The following VCAN variants were observed in gnomAD, a reference collection of about 807,000 sequenced individuals.
The protein encoded by VCAN is versican.
A neutral mutation model predicts 245.5 loss-of-function variants in VCAN; 44 were observed. The observed-to-expected ratio is 0.18, with a 90% CI of 0.14 to 0.23. VCAN has a LOEUF of 0.23. VCAN is among the 10% of genes least tolerant of loss of function. The pLI, the probability that VCAN is intolerant of heterozygous loss-of-function variation, is 1.00. For synonymous variants in VCAN, 1,413 were observed against 1,437.0 expected, an observed-to-expected ratio of 0.98 and a Z score of 0.38; for missense variants, 3,793 against 4,057.9, an observed-to-expected ratio of 0.93 and a Z score of 1.77.
At position 83,509,206 on chromosome 5, in the gene VCAN, G is replaced by A. The variant is rs527777361; in HGVS notation, c.749-2897G>A. On this transcript the variant is annotated intron_variant, in intron 5 of 14. Coordinates refer to ENST00000265077, the MANE Select transcript of VCAN (RefSeq NM_004385.5). ...GGTATCAAACAAATAAATGAATATC[G>A]TATACTTCAAACAAGTGAGTTAAAT... 1.8e-4 allele frequency among the ~76,000 whole-genome samples: 28 copies of A among 152,254 alleles called. No individual in the cohort carries two copies. The Middle Eastern group carries it at 0.01, about 55-fold the overall frequency.
At chr5:83,515,566 A>G (rs186066542) in intron 6 of VCAN, among the ~76,000 whole-genome samples, 1 of 150,792 alleles carries the variant, frequency 6.6e-6, no homozygotes. Flanking sequence ...ATCTTCTCCA[A>G]CTGAAACAGT....
intron 6 of VCAN, among the ~76,000 whole-genome samples, chr5:83,518,725 A>C (rs1207681724): frequency 2.0e-5 from 3 of 152,240 alleles, no homozygotes; most frequent in African/African-American, 7.2e-5. Context: ...GATCAAGTGA[A>C]GAGTGGTATT....
chr5:83,521,458 C>A lies in VCAN; in HGVS notation c.3152C>A (p.Ser1051Tyr). ...TAEKPVPALSSTAWTPKEAVT... is the reference protein window; with the variant it reads ...TAEKPVPALSYTAWTPKEAVT... ...GAGAAACCAGTTCCTGCTCTCAGTT[C>A]TACAGCTTGGACTCCCAAGGAGGCA... Residue 1051 changes from serine (S) to tyrosine (Y), a missense_variant, in exon 7 of 15, where the codon TCT becomes TAT. Physicochemically the swap from Ser to Tyr is moderately radical, Grantham distance 144. Transcript: ENST00000265077. The A allele has an allele frequency of 6.2e-7, 1 of 1,614,138 alleles. No homozygotes were observed. Among genetic ancestry groups the A allele is most frequent in the East Asian group, 2.2e-5 (1 of 44,864 alleles).
chr5:83,572,938 G>C (rs933383483), intron 13 of VCAN, among the ~76,000 whole-genome samples: 1 of 150,788 alleles, frequency 6.6e-6, no homozygotes, highest in Non-Finnish European at 1.5e-5. Flanking sequence ...GTCTCGCTCT[G>C]TCACCAGGCT....
intron 12 of VCAN, among the ~76,000 whole-genome samples, chr5:83,565,397 G>C (rs1436042254): frequency 7.5e-5 from 3 of 39,760 alleles, no homozygotes; most frequent in Non-Finnish European, 1.2e-4. Context: ...AAGGGTGTGT[G>C]TGTGTGTGTG....
chr5:83,491,849 A>G (rs1744992170), intron 3 of VCAN, among the ~76,000 whole-genome samples: 2 of 152,206 alleles, frequency 1.3e-5, no homozygotes, highest in African/African-American at 4.8e-5. Flanking sequence ...AAGATTTTTA[A>G]TTACCAAGAA....
intron 1 of VCAN, among the ~76,000 whole-genome samples, chr5:83,474,564 G>C (rs1254296695): frequency 1.3e-5 from 2 of 152,184 alleles, no homozygotes; most frequent in East Asian, 3.9e-4. Context: ...GGCGCTCCCC[G>C]CAGCGGCTGG....
rs755651307 is a variant in VCAN, at chr5:83,541,140, G to A, written c.8137G>A (p.Ala2713Thr). The change falls in exon 8 of 15, where the codon GCA (alanine) becomes ACA (threonine). Residue 2713 changes from alanine to threonine, a missense_variant. Ala to Thr is a moderately conservative substitution (Grantham distance 58). Around this residue, in one of 5 missense-constraint regions of VCAN, gnomAD observed 3,182 missense variants for 3,250.3 expected, o/e 0.98. Coordinates refer to ENST00000265077, the MANE Select transcript of VCAN (RefSeq NM_004385.5). Reference protein sequence around the residue: ...IPEIEGIKAEAKALDDMFESS... With the variant: ...IPEIEGIKAETKALDDMFESS... ...AGAGATTGAAGGAATAAAAGCTGAA[G>A]CAAAAGCCCTGGATGACATGTTTGA... 1.9e-6 allele frequency: 3 copies of A among 1,614,090 alleles called. No homozygotes were observed. In the Admixed American group the frequency reaches 5.0e-5, roughly 27 times the overall value.
intron 8 of VCAN, 132 bp downstream of exon 8, chr5:83,542,400 G>A (rs1482222560): frequency 7.1e-6 from 7 of 983,374 alleles, no homozygotes; most frequent in Non-Finnish European, 1.1e-5. Context: ...ATAACAGCAG[G>A]CCAGGCCACA....
In VCAN at chr5:83,540,463, T is replaced by G. The variant is rs930986218; in HGVS notation, c.7460T>G (p.Val2487Gly). ...GCTGATGGATTCCCAACAGTTTCAG[T>G]GATGCTGCCTCTTCATTCAGAGCAG... Reference protein sequence around the residue: ...VTADGFPTVSVMLPLHSEQNK... With the variant: ...VTADGFPTVSGMLPLHSEQNK... The change falls in exon 8 of 15, where the codon GTG becomes GGG. Residue 2487 changes from valine (V) to glycine (G), a missense_variant. By Grantham distance (109) the Val-to-Gly change is moderately radical. Coordinates refer to ENST00000265077, the MANE Select transcript of VCAN (RefSeq NM_004385.5). The G allele has an allele frequency of 1.2e-6, 2 of 1,613,872 alleles. No homozygotes were observed. The highest frequency in any genetic ancestry group is 1.3e-5 in the African/African-American group (1 of 74,902).
chr5:83,548,176 T>TG, intron 10 of VCAN, 92 bp downstream of exon 10: 3 of 929,784 alleles, frequency 3.2e-6, no homozygotes, highest in Non-Finnish European at 5.3e-6. Flanking sequence ...GCAGTGGAAA[T>TG]TCACATTTCC....
intron 9 of VCAN, among the ~76,000 whole-genome samples, chr5:83,546,023 GA>G (rs912996635): frequency 1.3e-5 from 2 of 152,018 alleles, no homozygotes; most frequent in African/African-American, 4.8e-5. Flanking sequence ...TAAAAATTAG[GA>G]AAATAATAAA....
At chr5:83,485,697 T>C (rs1744769292) in intron 2 of VCAN, among the ~76,000 whole-genome samples, 1 of 151,916 alleles carries the variant, frequency 6.6e-6, no homozygotes. Context: ...CACTGATGGA[T>C]TGGATGGGGT....
Position 83,492,830 on chromosome 5 carries a change from G to C in VCAN, c.446-716G>C, listed in dbSNP as rs139779669. Among the ~76,000 whole-genome samples, 6 of 152,280 alleles carry C rather than the reference G, an allele frequency of 3.9e-5. No individual in the cohort carries two copies. In the South Asian group the frequency reaches 6.2e-4, roughly 16 times the overall value. On this transcript the variant is annotated intron_variant, in intron 3 of 14. Transcript: ENST00000265077. ...TATGATAAACATTTGAATGGTACAT[G>C]GTGGTCTACTCAACATTTTAAAATC...
At chr5:83,509,108 G>GGAAA (rs910316439) in intron 5 of VCAN, among the ~76,000 whole-genome samples, 42 of 126,636 alleles carry the variant, frequency 3.3e-4, no homozygotes, top group African/African-American at 7.7e-4. Context: ...AAGGAAGGAA[G>GGAAA]GAAAGAAAGA....
Position 83,519,911 on chromosome 5 carries a change from G to A in VCAN, c.1605G>A (p.Met535Ile). The change falls in exon 7 of 15, where the codon ATG becomes ATA. Residue 535 changes from methionine to isoleucine, a missense_variant. Met to Ile is a conservative substitution (Grantham distance 10, BLOSUM62 1). This residue lies in a region of VCAN where 3,182 missense variants were observed against 3,250.3 expected (regional missense o/e 0.98). Coordinates refer to ENST00000265077, the MANE Select transcript of VCAN (RefSeq NM_004385.5). ...MILESKTEKK[M>I]VSTVSELVTT... is the part of the protein sequence containing the mutation. Reference sequence around the variant, plus strand: ...TGGAATCCAAAACTGAAAAGAAAATGGTAAGCACTGTTTCTGAATTGGTAA... The same window carrying A: ...TGGAATCCAAAACTGAAAAGAAAATAGTAAGCACTGTTTCTGAATTGGTAA... 1 of 1,614,042 alleles carries A rather than the reference G, an allele frequency of 6.2e-7. No individual in the cohort carries two copies. The highest frequency in any genetic ancestry group is 8.5e-7 in the Non-Finnish European group (1 of 1,179,960).
At chr5:83,491,514 G>A (rs1744978552) in intron 3 of VCAN, among the ~76,000 whole-genome samples, 1 of 151,906 alleles carries the variant, frequency 6.6e-6, no homozygotes, top group African/African-American at 2.4e-5. Flanking sequence ...TAAGTATCCT[G>A]GGTTCTTCTA....
Position 83,473,340 on chromosome 5 carries a change from A to G in VCAN, c.-7+1317A>G, listed in dbSNP as rs1744263351. On this transcript the variant is annotated intron_variant, in intron 1 of 14. Coordinates refer to ENST00000265077, the MANE Select transcript of VCAN (RefSeq NM_004385.5). Reference sequence around the variant, plus strand: ...CTCTCCAATCCAACTGCGTCTCGGCAAGTCCTGCATGTCCCTGGGAGATGC... The same window carrying G: ...CTCTCCAATCCAACTGCGTCTCGGCGAGTCCTGCATGTCCCTGGGAGATGC... Among the ~76,000 whole-genome samples the G allele has an allele frequency of 2.0e-5, 3 of 152,150 alleles. No homozygotes were observed. The South Asian group carries it at 6.2e-4, about 32-fold the overall frequency.
At chr5:83,554,623 C>CA (rs973562991) in intron 11 of VCAN, among the ~76,000 whole-genome samples, 9 of 151,246 alleles carry the variant, frequency 6.0e-5, no homozygotes, top group Admixed American at 2.0e-4. Context: ...ACAACAACAA[C>CA]AAAAAAATAG....
Sources: gnomAD v4.1 joint callset for allele counts (sites outside exome capture counted in the v4.1 genomes callset) on GRCh38, gnomAD v4.1.1 for gene constraint, gnomAD v4.1.1 regional missense constraint, MANE v1.5 for transcripts, NCBI Gene and HGNC (gene_info 2026-07-23, HGNC 2026-07-21) for gene names.